VOPP1: variants seen among roughly 807,000 people sequenced by gnomAD.
The protein encoded by VOPP1 is VOPP1 WW domain binding protein.
In VOPP1, 8 loss-of-function variants were observed where a neutral mutation model predicts 23.5. The ratio of observed to expected loss-of-function variants is 0.34; its 90% CI spans 0.20 to 0.61. The LOEUF is 0.61. Ranked by LOEUF, VOPP1 falls within the 20% of genes least tolerant of loss-of-function variation. The probability of loss-of-function intolerance (pLI) is 0.78; values close to 1 mark genes in which losing one functional copy is unlikely to be tolerated. For synonymous variants in VOPP1, 83 were observed against 97.3 expected, an observed-to-expected ratio of 0.85 and a Z score of 0.86; for missense variants, 174 against 238.1, an observed-to-expected ratio of 0.73 and a Z score of 1.77.
In VOPP1 at chr7:55,506,640, A is replaced by G. The variant is rs570388153; in HGVS notation, c.114-8950T>C. 9.6e-5 allele frequency among the ~76,000 whole-genome samples: 4 copies of G among 41,468 alleles called. No individual in the cohort carries two copies. The East Asian group carries it at 1.6e-3, about 16-fold the overall frequency. 27.2% of individuals were successfully genotyped at this position (41,468 alleles called of 152,430 possible). A position where few individuals can be genotyped will look rare whatever the true frequency, so the allele number is the denominator to read the frequency against. On this transcript the variant is annotated intron_variant, in intron 2 of 4. Coordinates refer to ENST00000285279, the MANE Select transcript of VOPP1 (RefSeq NM_030796.5). ...GCATGAGCCACTGCACCCAGCCACA[A>G]GCTTCTTTTTTTTTTGAGATGGAGC...
chr7:55,441,315 G>A (rs1018479558), intron 4 of VOPP1, among the ~76,000 whole-genome samples: 3 of 152,168 alleles, frequency 2.0e-5, no homozygotes, highest in East Asian at 3.9e-4. Flanking sequence ...CCCTCTCTCC[G>A]ATTTACCTCC....
chr7:55,505,815 T>TA (rs1038149313), intron 2 of VOPP1, among the ~76,000 whole-genome samples: 13 of 152,308 alleles, frequency 8.5e-5, no homozygotes, highest in Non-Finnish European at 1.8e-4. Context: ...ACATTTCTTC[T>TA]ATGTTGAGAT....
intron 1 of VOPP1, among the ~76,000 whole-genome samples, chr7:55,533,329 T>C (rs918342235): frequency 6.6e-6 from 1 of 152,228 alleles, no homozygotes; most frequent in Non-Finnish European, 1.5e-5. Flanking sequence ...GCAGCAGAAA[T>C]GCCCCTGCCT....
chr7:55,541,452 G>T (rs772759182), intron 1 of VOPP1, among the ~76,000 whole-genome samples: 18 of 152,138 alleles, frequency 1.2e-4, no homozygotes, highest in Non-Finnish European at 2.5e-4. Context: ...TAATAAAAAA[G>T]ACAGACAATA....
intron 1 of VOPP1, among the ~76,000 whole-genome samples, chr7:55,556,982 G>GT (rs1432864498): frequency 6.6e-6 from 1 of 152,134 alleles, no homozygotes; most frequent in African/African-American, 2.4e-5. Context: ...CACCAACCTT[G>GT]TATGAATAAT....
At chr7:55,568,983 T>A (rs1349398097) in intron 1 of VOPP1, among the ~76,000 whole-genome samples, 1 of 152,114 alleles carries the variant, frequency 6.6e-6, no homozygotes, top group Admixed American at 6.5e-5. Context: ...GCCTCTGAGG[T>A]TCCCTACTCT....
intron 2 of VOPP1, among the ~76,000 whole-genome samples, chr7:55,509,364 T>C (rs1465120360): frequency 6.6e-6 from 1 of 152,176 alleles, no homozygotes; most frequent in Non-Finnish European, 1.5e-5. Flanking sequence ...GCAGATTCAG[T>C]ATCTAGTCAG....
chr7:55,485,852 C>T (rs532268728), intron 4 of VOPP1, among the ~76,000 whole-genome samples: 1 of 152,342 alleles, frequency 6.6e-6, no homozygotes, highest in East Asian at 1.9e-4. Flanking sequence ...TCGGAAGGGC[C>T]GGACGCAGCC....
At chr7:55,516,067 C>T (rs1795388796) in intron 2 of VOPP1, 4 of 974,194 alleles carry the variant, frequency 4.1e-6, no homozygotes, top group South Asian at 9.5e-5. Flanking sequence ...AGCCAAGGGG[C>T]GGGAGCTGCT....
chr7:55,445,234 C>G (rs815950), intron 4 of VOPP1, among the ~76,000 whole-genome samples: 1 of 147,850 alleles, frequency 6.8e-6, no homozygotes, highest in Admixed American at 6.7e-5. Context: ...CACACAGACA[C>G]ACACACACAG....
chr7:55,461,705 T>C (rs1254037971), intron 4 of VOPP1, among the ~76,000 whole-genome samples: 1 of 152,220 alleles, frequency 6.6e-6, no homozygotes, highest in East Asian at 1.9e-4. Flanking sequence ...CGTGAGCCAC[T>C]GCGCCCGGCC....
downstream of VOPP1, among the ~76,000 whole-genome samples, chr7:55,468,956 C>G (rs995490960): frequency 6.6e-6 from 1 of 152,144 alleles, no homozygotes; most frequent in Non-Finnish European, 1.5e-5. Flanking sequence ...AAGTGACTAT[C>G]AAAGCTTTAA....
intron 1 of VOPP1, chr7:55,552,889 T>C: frequency 7.8e-7 from 1 of 1,288,510 alleles, no homozygotes; most frequent in Non-Finnish European, 1.0e-6. Flanking sequence ...ACTAAACTCC[T>C]GAACCCGAAG....
intron 4 of VOPP1, among the ~76,000 whole-genome samples, chr7:55,443,979 C>T (rs2129000030): frequency 6.6e-6 from 1 of 152,184 alleles, no homozygotes; most frequent in Non-Finnish European, 1.5e-5. Flanking sequence ...ATGTTGCCTG[C>T]TGAAATATTT....
chr7:55,496,742 G>A (rs577714132), intron 3 of VOPP1, among the ~76,000 whole-genome samples: 1 of 152,358 alleles, frequency 6.6e-6, no homozygotes, highest in Admixed American at 6.5e-5. Flanking sequence ...TAAAAATTCA[G>A]GTGGCTGCTG....
chr7:55,497,027 C>T (rs1384527894), intron 3 of VOPP1, among the ~76,000 whole-genome samples: 1 of 152,232 alleles, frequency 6.6e-6, no homozygotes, highest in East Asian at 1.9e-4. Context: ...CTCCAGCAGG[C>T]GTCCTGAGGC....
downstream of VOPP1, among the ~76,000 whole-genome samples, chr7:55,465,990 G>T (rs113734509): frequency 2.0e-5 from 3 of 152,324 alleles, no homozygotes; most frequent in African/African-American, 7.2e-5. Context: ...TTGAAGGTGG[G>T]CCCTTTGGGA....
intron 4 of VOPP1, among the ~76,000 whole-genome samples, chr7:55,458,782 G>GTCTT (rs1413851063): frequency 6.6e-6 from 1 of 152,040 alleles, no homozygotes; most frequent in Non-Finnish European, 1.5e-5. Context: ...TCTTGGTAAA[G>GTCTT]TCTTTAGGTT....
At chr7:55,552,021 C>CA (rs202229227) in intron 1 of VOPP1, among the ~76,000 whole-genome samples, 856 of 55,694 alleles carry the variant, frequency 0.015, 59 homozygotes, top group African/African-American at 0.045. Context: ...AGACTGTGTC[C>CA]AAAAAAAAAA....
Sources: allele counts gnomAD v4.1 joint callset (sites outside exome capture counted in the v4.1 genomes callset), GRCh38; gene constraint gnomAD v4.1.1; transcripts MANE v1.5; gene names NCBI Gene and HGNC (gene_info 2026-07-23, HGNC 2026-07-21).